The following HYCC2 variants were observed in gnomAD, a reference collection of about 807,000 sequenced individuals.
The protein encoded by HYCC2 is hyccin PI4KA lipid kinase complex subunit 2.
At chr2:200,995,383 C>T in the HYCC2 span, among the ~76,000 whole-genome samples, 1 of 152,124 alleles carries the variant, frequency 6.6e-6, no homozygotes, top group Non-Finnish European at 1.5e-5. Context: ...TTCTGGTATT[C>T]ACACTGTGTC....
chr2:201,037,975 AT>A, the HYCC2 span, among the ~76,000 whole-genome samples: 1 of 152,118 alleles, frequency 6.6e-6, no homozygotes, highest in Non-Finnish European at 1.5e-5. Flanking sequence ...ATGAGAGAAA[AT>A]TTTTGCAATC....
the HYCC2 span, among the ~76,000 whole-genome samples, chr2:201,070,649 T>A: frequency 2.4e-3 from 367 of 150,610 alleles, 4 homozygotes; most frequent in African/African-American, 8.7e-3. Context: ...CGAAACTCCG[T>A]CTCAAAAAAA....
chr2:201,015,096 T>C, the HYCC2 span, among the ~76,000 whole-genome samples: 1 of 152,192 alleles, frequency 6.6e-6, no homozygotes, highest in Admixed American at 6.5e-5. Flanking sequence ...TCTTTATTGA[T>C]GAGTTCAGGT....
At chr2:201,052,680 A>G in the HYCC2 span, among the ~76,000 whole-genome samples, 1 of 152,222 alleles carries the variant, frequency 6.6e-6, no homozygotes, top group Non-Finnish European at 1.5e-5. Flanking sequence ...GACAGTAAAG[A>G]ACAATGAAGT....
the HYCC2 span, among the ~76,000 whole-genome samples, chr2:201,039,899 G>A: frequency 6.6e-6 from 1 of 152,136 alleles, no homozygotes. Context: ...AATAGGCTGG[G>A]CACAGTGGCT....
the HYCC2 span, among the ~76,000 whole-genome samples, chr2:201,033,153 G>A: frequency 7.6e-6 from 1 of 131,964 alleles, no homozygotes; most frequent in African/African-American, 2.9e-5. Flanking sequence ...ATTTGTATGT[G>A]TGTGTATGTG....
the HYCC2 span, among the ~76,000 whole-genome samples, chr2:201,031,609 C>T: frequency 2.6e-5 from 4 of 152,130 alleles, no homozygotes; most frequent in African/African-American, 9.7e-5. Flanking sequence ...CGAGACAGCG[C>T]CATTGCACTC....
chr2:201,002,114 G>GA, the HYCC2 span, among the ~76,000 whole-genome samples: 1,215 of 141,898 alleles, frequency 8.6e-3, 18 homozygotes, highest in African/African-American at 0.027. Context: ...AAGTCACCAG[G>GA]AAAAAAAAAA....
At chr2:200,979,044 T>G in the HYCC2 span, 1 of 152,026 alleles carries the variant, frequency 6.6e-6, no homozygotes, top group Admixed American at 6.6e-5. Flanking sequence ...TATTTTTTAT[T>G]TATTTTTAAT....
chr2:201,000,597 T>C, the HYCC2 span, among the ~76,000 whole-genome samples: 1 of 152,280 alleles, frequency 6.6e-6, no homozygotes, highest in South Asian at 2.1e-4. Context: ...GAGAAACTGC[T>C]ATCCTCATAC....
chr2:201,007,638 G>A, the HYCC2 span, among the ~76,000 whole-genome samples: 1 of 151,976 alleles, frequency 6.6e-6, no homozygotes, highest in South Asian at 2.1e-4. Context: ...CTTTGTTTAG[G>A]GCCGAGACTG....
chr2:201,034,609 T>C, the HYCC2 span, among the ~76,000 whole-genome samples: 51 of 152,348 alleles, frequency 3.3e-4, no homozygotes, highest in Middle Eastern at 3.4e-3. Context: ...CATTTACATT[T>C]AAGGTTAATA....
the HYCC2 span, chr2:200,988,245 G>C: frequency 6.3e-7 from 1 of 1,591,266 alleles, no homozygotes; most frequent in East Asian, 2.3e-5. Flanking sequence ...TGTGGACTAT[G>C]GGGATTTTGT....
At chr2:201,065,292 T>C in the HYCC2 span, among the ~76,000 whole-genome samples, 3 of 152,266 alleles carry the variant, frequency 2.0e-5, no homozygotes, top group African/African-American at 7.2e-5. Context: ...CCATTCCTTT[T>C]TATTGCTGCA....
the HYCC2 span, chr2:201,022,892 A>G: frequency 6.2e-7 from 1 of 1,613,750 alleles, no homozygotes; most frequent in East Asian, 2.2e-5. Context: ...TTTCCGGTGT[A>G]AAGTTGCTGC....
At chr2:201,023,787 T>C in the HYCC2 span, 3 of 528,254 alleles carry the variant, frequency 5.7e-6, no homozygotes, top group African/African-American at 1.9e-5. Flanking sequence ...GTACCATTTT[T>C]AAGAACTGCA....
At chr2:201,062,911 T>C in the HYCC2 span, among the ~76,000 whole-genome samples, 1 of 150,442 alleles carries the variant, frequency 6.6e-6, no homozygotes, top group Admixed American at 6.6e-5. Flanking sequence ...ATGGTCCTAG[T>C]GAGAGGCCTA....
At chr2:201,042,560 TGACCAGCCGCCCCGTCTGAGAAGTGAGGA>T in the HYCC2 span, among the ~76,000 whole-genome samples, 2 of 150,442 alleles carry the variant, frequency 1.3e-5, no homozygotes, top group Non-Finnish European at 3.0e-5. Context: ...GGAGCGTCTC[TGACCAGCCGCCCCGTCTGAGAAGTGAGGA>T]GCCCATCCGC....
the HYCC2 span, among the ~76,000 whole-genome samples, chr2:201,070,265 C>G: frequency 1.3e-5 from 2 of 152,056 alleles, no homozygotes; most frequent in Admixed American, 1.3e-4. Context: ...TATATTTTGC[C>G]TCTGTCCGAG....
Sources: allele counts gnomAD v4.1 joint callset (sites outside exome capture counted in the v4.1 genomes callset), GRCh38; gene constraint gnomAD v4.1.1; transcripts MANE v1.5; gene names NCBI Gene and HGNC (gene_info 2026-07-23, HGNC 2026-07-21).